MTRR: variants seen among roughly 807,000 people sequenced by gnomAD.
MTRR encodes the protein 5-methyltetrahydrofolate-homocysteine methyltransferase reductase.
Under a neutral mutation model 79.2 loss-of-function variants are expected in MTRR, and 63 were observed. The observed-to-expected ratio is 0.80, with a 90% CI of 0.65 to 0.98. MTRR has a LOEUF of 0.98. Among genes scored for constraint, MTRR ranks in the 50% least tolerant of loss-of-function variants. MTRR has a pLI of 0.00. For missense variants in MTRR, 895 were observed against 839.6 expected, an observed-to-expected ratio of 1.07 and a Z score of -0.82; for synonymous variants, 355 against 313.3, an observed-to-expected ratio of 1.13 and a Z score of -1.41.
Position 7,893,127 on chromosome 5 carries a change from A to G in MTRR, c.1557+214A>G, listed in dbSNP as rs188867426. The G allele has an allele frequency of 2.8e-5, 17 of 604,788 alleles. No individual in the cohort carries two copies. In the Admixed American group the frequency reaches 4.4e-4, roughly 16 times the overall value. 37.5% of individuals were successfully genotyped at this position (604,788 alleles called of 1,614,324 possible). A position where few individuals can be genotyped will look rare whatever the true frequency, so the allele number is the denominator to read the frequency against. On this transcript the variant is annotated intron_variant, in intron 11 of 14. Coordinates refer to ENST00000440940, the MANE Select transcript of MTRR (RefSeq NM_002454.3). Reference sequence around the variant, plus strand: ...TATTTTCTGAATGTATAAAGCATGAATTTTATATAGTACGGTCTTTGCTTG... The same window carrying G: ...TATTTTCTGAATGTATAAAGCATGAGTTTTATATAGTACGGTCTTTGCTTG...
chr5:7,885,746 T>A lies in MTRR; in HGVS notation c.949T>A (p.Cys317Ser). 6.2e-7 allele frequency: 1 copy of A among 1,614,126 alleles called. No homozygotes were observed. The highest frequency in any genetic ancestry group is 1.3e-5 in the African/African-American group (1 of 75,020). ...YQPGDAFSVI[C>S]PNSDSEVQSL... ...GCCTGGAGATGCCTTCAGCGTGATC[T>A]GCCCTAACAGTGATTCTGAGGTACA... The change falls in exon 7 of 15, where the codon TGC (cysteine) becomes AGC (serine). Residue 317 changes from cysteine (C) to serine (S), a missense_variant. By Grantham distance (112) the Cys-to-Ser change is moderately radical (BLOSUM62 -1). Transcript: ENST00000440940.
upstream of MTRR, chr5:7,866,014 C>A (rs755936605): frequency 6.6e-7 from 1 of 1,526,324 alleles, no homozygotes. Context: ...GTCATAGTTA[C>A]GTCTGAATTG....
intron 12 of MTRR, 94 bp from the exon 13 acceptor site, chr5:7,896,770 C>T: frequency 3.1e-6 from 3 of 956,262 alleles, no homozygotes; most frequent in South Asian, 2.7e-5. Context: ...TTTTACAAAT[C>T]CGTCTGAGTT....
At chr5:7,867,209 C>T (rs749448375), upstream of MTRR, 1 of 1,614,124 alleles carries the variant, frequency 6.2e-7, no homozygotes, top group African/African-American at 1.3e-5. Context: ...CAATTTAGGA[C>T]TCAGGTTGGA....
In MTRR at chr5:7,889,220, G is replaced by T; in HGVS notation, c.1272G>T (p.Leu424Phe). The change falls in exon 9 of 15, where the codon TTG (leucine) becomes TTT (phenylalanine). Residue 424 changes from leucine to phenylalanine, a missense_variant. By Grantham distance (22) the Leu-to-Phe change is conservative. Coordinates refer to ENST00000440940, the MANE Select transcript of MTRR (RefSeq NM_002454.3). ...TTGTACGAGATGCCTGTGCCTGCTT[G>T]TTGGATCTCCTCCTCGCTTTCCCTT... ...SRFVRDACAC[L>F]LDLLLAFPSC... 3.1e-6 allele frequency: 5 copies of T among 1,613,558 alleles called. No individual in the cohort carries two copies. The highest frequency in any genetic ancestry group is 4.2e-6 in the Non-Finnish European group (5 of 1,180,032).
rs564053956 is a variant in MTRR at position 7,898,458 on chromosome 5, T to C, written c.1952+1211T>C. ...ACTTTGTCACATTTGTGAAATGCAC[T>C]TGGAAGCATTAATAGCAGTGGTCAG... On this transcript the variant is annotated intron_variant, in intron 14 of 14. Coordinates refer to ENST00000440940, the MANE Select transcript of MTRR (RefSeq NM_002454.3). 3.9e-5 allele frequency among the ~76,000 whole-genome samples: 6 copies of C among 152,296 alleles called. No individual in the cohort carries two copies. In the South Asian group the frequency reaches 6.2e-4, roughly 16 times the overall value.
At position 7,869,177 on chromosome 5, in the gene MTRR, T is replaced by G. The variant is rs745639774; in HGVS notation, c.-64T>G. The stretch of plus-strand genomic sequence containing the variant: ...CGCGCTGGCGCAAGGTTGGTGGAAG[T>G]CGCGTTGTGCAGGTTCGTGCCCGGC... On this transcript the variant is annotated 5_prime_UTR_variant, in exon 1 of 15. Coordinates refer to ENST00000440940, the MANE Select transcript of MTRR (RefSeq NM_002454.3). 5 of 1,611,936 alleles carry G rather than the reference T, an allele frequency of 3.1e-6. No homozygotes were observed. Among genetic ancestry groups the G allele is most frequent in the African/African-American group, 2.7e-5 (2 of 75,054 alleles).
At position 7,873,472 on chromosome 5, in the gene MTRR, CA is replaced by C. The variant is rs1408257020; in HGVS notation, c.230del (p.Gln77ArgfsTer34). The C allele has an allele frequency of 1.9e-6, 3 of 1,614,026 alleles. No individual in the cohort carries two copies. Among genetic ancestry groups the C allele is most frequent in the Non-Finnish European group, 2.5e-6 (3 of 1,180,022 alleles). ...DTARKFVKEI[Q>X]NQTLPVDFFA... is the part of the protein sequence containing the mutation. The stretch of plus-strand genomic sequence containing the variant: ...AGCCCGCAAGTTTGTTAAGGAAATA[CA>C]GAACCAAACACTGCCGGTTGATTTC... On this transcript the variant is annotated frameshift_variant, in exon 3 of 15. Transcript: ENST00000440940. LOFTEE classifies it high-confidence loss of function.
At chr5:7,866,605 G>A (rs1283324385), upstream of MTRR, 1 of 1,440,352 alleles carries the variant, frequency 6.9e-7, no homozygotes, top group Non-Finnish European at 9.4e-7. Flanking sequence ...CCAGTTCAAA[G>A]GTTACTTTTT....
At chr5:7,879,767 T>C (rs1471803764) in intron 5 of MTRR, among the ~76,000 whole-genome samples, 4 of 152,184 alleles carry the variant, frequency 2.6e-5, no homozygotes, top group African/African-American at 9.7e-5. Flanking sequence ...CCTCTCCATA[T>C]GGTACCTTTC....
upstream of MTRR, chr5:7,867,612 T>C: frequency 6.2e-7 from 1 of 1,614,254 alleles, no homozygotes; most frequent in Admixed American, 1.7e-5. Context: ...GCTTGAAAGA[T>C]GCTATTCTCC....
exon 1 of MTRR, chr5:7,851,358 A>G: frequency 4.0e-6 from 1 of 252,090 alleles, no homozygotes; most frequent in South Asian, 1.7e-4. Context: ...TGCTTCACTC[A>G]CTGATCACTC....
chr5:7,877,815 C>G (rs183032141), intron 4 of MTRR, 129 bp from the exon 5 acceptor site: 1 of 1,250,844 alleles, frequency 8.0e-7, no homozygotes, highest in East Asian at 2.3e-5. Flanking sequence ...TTTTGTATTC[C>G]GAATGGTCTT....
chr5:7,899,823 G>T (rs546827596), intron 14 of MTRR, 91 bp from the exon 15 acceptor site: 4 of 1,469,364 alleles, frequency 2.7e-6, no homozygotes, highest in Non-Finnish European at 3.8e-6. Context: ...AACTATGGTG[G>T]TACAGTCAAA....
intron 14 of MTRR, 99 bp from the exon 15 acceptor site, chr5:7,899,815 C>G: frequency 6.9e-7 from 1 of 1,450,384 alleles, no homozygotes; most frequent in African/African-American, 1.4e-5. Context: ...GAGGGAAGAA[C>G]TATGGTGGTA....
At chr5:7,855,808 G>A (rs760493284) in intron 1 of MTRR, among the ~76,000 whole-genome samples, 83 of 152,252 alleles carry the variant, frequency 5.5e-4, no homozygotes, top group South Asian at 1.0e-3. Context: ...ACTCTGTATC[G>A]GAGACTGTGG....
chr5:7,875,669 C>G (rs150553708), intron 4 of MTRR, among the ~76,000 whole-genome samples: 1 of 152,202 alleles, frequency 6.6e-6, no homozygotes, highest in Non-Finnish European at 1.5e-5. Flanking sequence ...CAGAAATCAG[C>G]TTGTTCTTTA....
At chr5:7,853,734 G>A (rs543439711) in intron 1 of MTRR, among the ~76,000 whole-genome samples, 1 of 152,170 alleles carries the variant, frequency 6.6e-6, no homozygotes, top group Non-Finnish European at 1.5e-5. Context: ...CTGTCTGCTC[G>A]GTGGAGGCTC....
upstream of MTRR, chr5:7,869,115 T>C (rs558910434): frequency 1.2e-6 from 2 of 1,613,406 alleles, no homozygotes; most frequent in Admixed American, 3.3e-5. Context: ...GAGCTTTCTA[T>C]TGGTCCTGGG....
Sources: allele counts gnomAD v4.1 joint callset (sites outside exome capture counted in the v4.1 genomes callset), GRCh38; gene constraint gnomAD v4.1.1; transcripts MANE v1.5; gene names NCBI Gene and HGNC (gene_info 2026-07-23, HGNC 2026-07-21).